XPR1: variants seen among roughly 807,000 people sequenced by gnomAD.
XPR1 encodes xenotropic and polytropic retrovirus receptor 1.
XPR1 carries 28 observed loss-of-function variants against 87.5 expected under a neutral mutation model. That is an observed-to-expected ratio of 0.32 (90% confidence interval 0.24 to 0.44). The LOEUF is 0.44. XPR1 is among the 20% of genes least tolerant of loss of function. XPR1 has a pLI of 1.00. For synonymous variants in XPR1, 300 were observed against 306.1 expected (o/e 0.98, Z 0.21); for missense variants, 559 against 862.3 (o/e 0.65, Z 4.41).
intron 2 of XPR1, among the ~76,000 whole-genome samples, chr1:180,704,271 T>TATATAC (rs1223431179): frequency 7.1e-6 from 1 of 141,286 alleles, no homozygotes; most frequent in East Asian, 2.0e-4. Flanking sequence ...TATATATATA[T>TATATAC]ATATATTATC....
intron 2 of XPR1, among the ~76,000 whole-genome samples, chr1:180,761,382 G>A (rs1330309399): frequency 6.6e-6 from 1 of 152,128 alleles, no homozygotes; most frequent in Non-Finnish European, 1.5e-5. Context: ...CTGACAAAGG[G>A]CTAATATCCA....
intron 7 of XPR1, among the ~76,000 whole-genome samples, chr1:180,822,316 C>T (rs1431036932): frequency 6.6e-6 from 1 of 152,192 alleles, no homozygotes; most frequent in African/African-American, 2.4e-5. Flanking sequence ...TGTACTTTCC[C>T]TCTCTACAAG....
intron 2 of XPR1, among the ~76,000 whole-genome samples, chr1:180,768,966 GA>G (rs577978209): frequency 1.6e-3 from 249 of 152,072 alleles, no homozygotes; most frequent in African/African-American, 5.7e-3. Context: ...CAATTCAAAA[GA>G]AAAAAGTAGG....
chr1:180,811,981 A>C (rs1370006609), intron 7 of XPR1, among the ~76,000 whole-genome samples: 1 of 152,206 alleles, frequency 6.6e-6, no homozygotes, highest in Admixed American at 6.5e-5. Flanking sequence ...AGAAAGAGAT[A>C]GGAAGGATTC....
intron 2 of XPR1, among the ~76,000 whole-genome samples, chr1:180,743,428 C>T (rs926012197): frequency 7.2e-5 from 11 of 151,992 alleles, no homozygotes; most frequent in African/African-American, 2.7e-4. Flanking sequence ...TTTCCCTTTC[C>T]TCTTAAGCTG....
intron 2 of XPR1, among the ~76,000 whole-genome samples, chr1:180,697,413 T>C (rs1055526605): frequency 2.0e-5 from 3 of 152,020 alleles, no homozygotes; most frequent in Admixed American, 6.6e-5. Context: ...AACTTTATTT[T>C]GCTGATTGTT....
rs569722797 is a variant in XPR1, at chr1:180,888,481, A to G, written c.*4415A>G. The G allele has an allele frequency of 7.6e-6, 1 of 132,376 alleles. No individual in the cohort carries two copies. The highest frequency in any genetic ancestry group is 2.0e-4 in the East Asian group (1 of 4,882). 8.2% of individuals were successfully genotyped at this position (132,376 alleles called of 1,614,324 possible). Reference sequence around the variant, plus strand: ...TTGTAGCTCTCTCAACTACAAAATCACCACACTTTTCTCAAATCTAATAGG... The same window carrying G: ...TTGTAGCTCTCTCAACTACAAAATCGCCACACTTTTCTCAAATCTAATAGG... On this transcript the variant is annotated 3_prime_UTR_variant, in exon 15 of 15. Transcript: ENST00000367590.
In XPR1 at chr1:180,884,118, TC is replaced by T. The variant is rs540471260; in HGVS notation, c.*54del. On this transcript the variant is annotated 3_prime_UTR_variant, in exon 15 of 15. Transcript: ENST00000367590. ...TTGGTTTTCCTACTCTACAATCCTT[TC>T]CTCGACCAACGCAACCTCTAGTACC... The T allele has an allele frequency of 3.8e-6, 6 of 1,575,258 alleles. No individual in the cohort carries two copies. Among genetic ancestry groups the T allele is most frequent in the Non-Finnish European group, 5.2e-6 (6 of 1,148,284 alleles).
chr1:180,840,803 G>A (rs1651484741), intron 11 of XPR1, among the ~76,000 whole-genome samples: 1 of 151,716 alleles, frequency 6.6e-6, no homozygotes, highest in Admixed American at 6.6e-5. Context: ...ATGTATATAT[G>A]TCCATGTGTA....
chr1:180,787,935 G>T (rs1649218092), intron 3 of XPR1, 81 bp downstream of exon 3: 1 of 1,070,222 alleles, frequency 9.3e-7, no homozygotes, highest in Non-Finnish European at 1.4e-6. Flanking sequence ...TCTGATCAAT[G>T]TTTTTAAATT....
intron 2 of XPR1, among the ~76,000 whole-genome samples, chr1:180,701,807 C>T (rs1043018804): frequency 2.9e-5 from 4 of 140,084 alleles, no homozygotes; most frequent in South Asian, 2.2e-4. Context: ...AGTTCCTCCT[C>T]GTATTTGATT....
chr1:180,658,169 A>G (rs58438796), intron 1 of XPR1, among the ~76,000 whole-genome samples: 6,551 of 152,260 alleles, frequency 0.043, 506 homozygotes, highest in African/African-American at 0.15. Context: ...TTGTTTAGCA[A>G]TTCTAATAGT....
chr1:180,711,530 G>A (rs1339516389), intron 2 of XPR1, among the ~76,000 whole-genome samples: 2 of 152,144 alleles, frequency 1.3e-5, no homozygotes, highest in Non-Finnish European at 2.9e-5. Context: ...AGGAGAATGA[G>A]GCAGGGAGGT....
intron 2 of XPR1, among the ~76,000 whole-genome samples, chr1:180,777,438 C>T (rs1648766765): frequency 2.0e-5 from 3 of 152,152 alleles, no homozygotes; most frequent in Admixed American, 1.3e-4. Context: ...TTTTTTTCCT[C>T]AGATAGACTG....
At chr1:180,830,783 G>A (rs541471163) in intron 9 of XPR1, among the ~76,000 whole-genome samples, 43 of 152,134 alleles carry the variant, frequency 2.8e-4, no homozygotes, top group Non-Finnish European at 5.3e-4. Context: ...CACAATTTGA[G>A]CCTATTTCTG....
At chr1:180,880,883 C>G (rs947109043) in intron 14 of XPR1, among the ~76,000 whole-genome samples, 1 of 152,046 alleles carries the variant, frequency 6.6e-6, no homozygotes, top group African/African-American at 2.4e-5. Flanking sequence ...TAAAAGTTAC[C>G]ATAAATGTAC....
At chr1:180,771,642 C>A (rs573051210) in intron 2 of XPR1, among the ~76,000 whole-genome samples, 4 of 152,260 alleles carry the variant, frequency 2.6e-5, no homozygotes, top group Non-Finnish European at 5.9e-5. Context: ...ATGACTTTAA[C>A]ACTTTGATGC....
At chr1:180,701,736 T>C (rs1401636582) in intron 2 of XPR1, among the ~76,000 whole-genome samples, 1 of 140,806 alleles carries the variant, frequency 7.1e-6, no homozygotes. Flanking sequence ...CCTCATAAAA[T>C]GAGTTAGGGA....
chr1:180,703,698 T>C (rs1482350346), intron 2 of XPR1, among the ~76,000 whole-genome samples: 1 of 152,200 alleles, frequency 6.6e-6, no homozygotes, highest in Non-Finnish European at 1.5e-5. Context: ...GGGACCCAAA[T>C]AAGATTCATC....
Sources: allele counts gnomAD v4.1 joint callset (sites outside exome capture counted in the v4.1 genomes callset), GRCh38; gene constraint gnomAD v4.1.1; transcripts MANE v1.5; gene names NCBI Gene and HGNC (gene_info 2026-07-23, HGNC 2026-07-21).